Variants in LRFN5 observed in about 807,000 individuals in gnomAD.
The protein encoded by LRFN5 is leucine-rich repeat and fibronectin type-III domain-containing protein 5.
In LRFN5, 24 loss-of-function variants were observed where a neutral mutation model predicts 45.6. That is an observed-to-expected ratio of 0.53 (90% CI 0.38 to 0.74). The LOEUF (loss-of-function observed/expected upper bound fraction) is 0.74. LRFN5 is among the 30% of genes least tolerant of loss of function. The pLI is 0.00. For missense variants in LRFN5, 776 were observed against 861.5 expected, an observed-to-expected ratio of 0.90 and a Z score of 1.24; for synonymous variants, 340 against 313.8, an observed-to-expected ratio of 1.08 and a Z score of -0.88.
At chr14:41,839,324 T>TTA (rs1555325272) in intron 2 of LRFN5, among the ~76,000 whole-genome samples, 5,256 of 151,886 alleles carry the variant, frequency 0.035, 302 homozygotes, top group African/African-American at 0.12. Context: ...AGATTTTTTT[T>TTA]AAAAAAAGAA....
chr14:41,673,810 A>T (rs1881397459), intron 1 of LRFN5, among the ~76,000 whole-genome samples: 1 of 139,636 alleles, frequency 7.2e-6, no homozygotes, highest in South Asian at 2.4e-4. Context: ...GACCCCCCCC[A>T]CCTCATTCCC....
At chr14:41,904,128 T>G (rs758615786) in intron 5 of LRFN5, 30 bp from the exon 6 acceptor site, 24 of 1,546,112 alleles carry the variant, frequency 1.6e-5, no homozygotes, top group Non-Finnish European at 2.1e-5. Context: ...TTTCTTTCTT[T>G]TTTTCCTTTT....
chr14:41,740,484 C>T (rs1006290402), intron 1 of LRFN5, among the ~76,000 whole-genome samples: 1 of 151,720 alleles, frequency 6.6e-6, no homozygotes, highest in African/African-American at 2.4e-5. Flanking sequence ...ACAGAAAAAA[C>T]ATTTGACTAC....
chr14:41,728,194 G>C (rs910767676), intron 1 of LRFN5, among the ~76,000 whole-genome samples: 9 of 152,116 alleles, frequency 5.9e-5, no homozygotes, highest in African/African-American at 2.2e-4. Flanking sequence ...GGCCAGGTCA[G>C]CAATCACTAA....
At chr14:41,739,271 G>C (rs766126220) in intron 1 of LRFN5, among the ~76,000 whole-genome samples, 3 of 152,096 alleles carry the variant, frequency 2.0e-5, no homozygotes, top group Non-Finnish European at 4.4e-5. Context: ...TGTAGTCTTA[G>C]CTATTTGGGA....
chr14:41,656,692 A>T (rs1232417245), intron 1 of LRFN5, among the ~76,000 whole-genome samples: 3 of 151,910 alleles, frequency 2.0e-5, no homozygotes, highest in African/African-American at 7.2e-5. Flanking sequence ...TCAAATGCTC[A>T]GCAAATCAGT....
At chr14:41,724,692 T>A (rs905226010) in intron 1 of LRFN5, among the ~76,000 whole-genome samples, 1 of 152,140 alleles carries the variant, frequency 6.6e-6, no homozygotes, top group Non-Finnish European at 1.5e-5. Flanking sequence ...GACTAATATA[T>A]AATATAGAAT....
chr14:41,783,504 T>G (rs1056605620), intron 2 of LRFN5, among the ~76,000 whole-genome samples: 1 of 152,146 alleles, frequency 6.6e-6, no homozygotes, highest in African/African-American at 2.4e-5. Flanking sequence ...CATCCAAGTT[T>G]TTTTACAGCT....
chr14:41,750,708 T>G (rs1885094866), intron 1 of LRFN5, among the ~76,000 whole-genome samples: 1 of 151,884 alleles, frequency 6.6e-6, no homozygotes, highest in East Asian at 1.9e-4. Flanking sequence ...ATTGACAGAG[T>G]TTTGCATTGC....
intron 2 of LRFN5, among the ~76,000 whole-genome samples, chr14:41,810,980 A>G (rs1043798402): frequency 1.3e-5 from 2 of 152,072 alleles, no homozygotes; most frequent in African/African-American, 4.8e-5. Context: ...CAATAAAGCC[A>G]TCTATTAGTT....
At chr14:41,682,642 C>T (rs369005274) in intron 1 of LRFN5, among the ~76,000 whole-genome samples, 8 of 152,000 alleles carry the variant, frequency 5.3e-5, no homozygotes, top group African/African-American at 1.4e-4. Flanking sequence ...ATAACTGTAA[C>T]GAAAATTCAG....
intron 2 of LRFN5, among the ~76,000 whole-genome samples, chr14:41,882,619 T>C (rs1890420761): frequency 6.6e-6 from 1 of 152,182 alleles, no homozygotes; most frequent in African/African-American, 2.4e-5. Context: ...ATAATATTCC[T>C]GTTACTCAAT....
chr14:41,903,396 A>G (rs1191000378), intron 5 of LRFN5, among the ~76,000 whole-genome samples: 5 of 151,514 alleles, frequency 3.3e-5, no homozygotes, highest in African/African-American at 1.2e-4. Flanking sequence ...TTAATGGAAA[A>G]GAGAAAATTA....
intron 2 of LRFN5, among the ~76,000 whole-genome samples, chr14:41,776,934 C>T (rs996479758): frequency 6.6e-6 from 1 of 151,850 alleles, no homozygotes; most frequent in Non-Finnish European, 1.5e-5. Context: ...AACCAATTGT[C>T]TTGTATTGTT....
chr14:41,713,185 G>A (rs970671104), intron 1 of LRFN5, among the ~76,000 whole-genome samples: 8 of 152,068 alleles, frequency 5.3e-5, no homozygotes, highest in Non-Finnish European at 8.8e-5. Flanking sequence ...ATTTGAAAAT[G>A]ACTACAGTAA....
At chr14:41,634,473 G>A (rs1467999063) in intron 1 of LRFN5, among the ~76,000 whole-genome samples, 1 of 152,158 alleles carries the variant, frequency 6.6e-6, no homozygotes, top group Non-Finnish European at 1.5e-5. Context: ...GACATGCAGT[G>A]CTGTTGGCTA....
chr14:41,902,415 A>G (rs1891130464), intron 5 of LRFN5, among the ~76,000 whole-genome samples: 1 of 151,918 alleles, frequency 6.6e-6, no homozygotes, highest in Non-Finnish European at 1.5e-5. Context: ...ATTGATAAGT[A>G]AATTAAAAAG....
chr14:41,857,740 G>GT (rs1779589805), intron 2 of LRFN5, among the ~76,000 whole-genome samples: 1 of 152,178 alleles, frequency 6.6e-6, no homozygotes, highest in South Asian at 2.1e-4. Flanking sequence ...AGTCTTCCAA[G>GT]TTCTTTACTA....
Position 41,704,432 on chromosome 14 carries a change from C to CTGTGTGTGTGTG in LRFN5, c.-196-62421_-196-62420insGTGTGTGTGTGT, listed in dbSNP as rs1312895541. ...TTTCTCTCTCTCTCTCTCTCTCTCT[C>CTGTGTGTGTGTG]TCTCTCTCTCTCTCTCTGTGTGTGT... On this transcript the variant is annotated intron_variant, in intron 1 of 5. Coordinates refer to ENST00000298119, the MANE Select transcript of LRFN5 (RefSeq NM_152447.5). Among the ~76,000 whole-genome samples, 111 of 28,570 alleles carry CTGTGTGTGTGTG rather than the reference C, an allele frequency of 3.9e-3. No individual in the cohort carries two copies. The South Asian group carries it at 0.041, about 11-fold the overall frequency. 18.7% of individuals were successfully genotyped at this position (28,570 alleles called of 152,430 possible).
Sources: allele counts gnomAD v4.1 joint callset (sites outside exome capture counted in the v4.1 genomes callset), GRCh38; gene constraint gnomAD v4.1.1; transcripts MANE v1.5; gene names NCBI Gene and HGNC (gene_info 2026-07-23, HGNC 2026-07-21).